NFIB: variants seen among roughly 807,000 people sequenced by gnomAD.
NFIB encodes nuclear factor 1 B-type.
In NFIB, 11 loss-of-function variants were observed where a neutral mutation model predicts 61.5. That is an observed-to-expected ratio of 0.18 (90% CI 0.11 to 0.30). The LOEUF (loss-of-function observed/expected upper bound fraction) is 0.30. Ranked by LOEUF, NFIB falls within the 10% of genes least tolerant of loss-of-function variation. The pLI, the probability that NFIB is intolerant of heterozygous loss-of-function variation, is 1.00. For synonymous variants in NFIB, 260 were observed against 216.5 expected (o/e 1.20, Z -1.76); for missense variants, 471 against 608.9 (o/e 0.77, Z 2.38).
At chr9:14,406,712 G>A in the NFIB span, among the ~76,000 whole-genome samples, 1 of 152,170 alleles carries the variant, frequency 6.6e-6, no homozygotes, top group Non-Finnish European at 1.5e-5. Flanking sequence ...GACGGAGGCT[G>A]CTTCCAGTCT....
At chr9:14,234,394 G>A (rs1471229530) in intron 2 of NFIB, among the ~76,000 whole-genome samples, 1 of 151,014 alleles carries the variant, frequency 6.6e-6, no homozygotes, top group Non-Finnish European at 1.5e-5. Context: ...TTTCTTAATG[G>A]AGTCTTGCTC....
intron 1 of NFIB, among the ~76,000 whole-genome samples, chr9:14,383,415 A>C (rs2061510907): frequency 1.3e-5 from 2 of 152,200 alleles, no homozygotes; most frequent in South Asian, 4.1e-4. Flanking sequence ...AATAATTCAA[A>C]TAGGGCTGTT....
chr9:14,362,104 T>C (rs1260522892), intron 1 of NFIB: 1 of 152,228 alleles, frequency 6.6e-6, no homozygotes, highest in Non-Finnish European at 1.5e-5. Context: ...TATAGAAATT[T>C]AGGTGAATGG....
chr9:14,382,648 G>C (rs1185502509), intron 1 of NFIB, among the ~76,000 whole-genome samples: 1 of 152,066 alleles, frequency 6.6e-6, no homozygotes. Flanking sequence ...GAGGGTAGCA[G>C]GTTACGTGTG....
the NFIB span, among the ~76,000 whole-genome samples, chr9:14,465,109 A>C: frequency 6.6e-6 from 1 of 152,220 alleles, no homozygotes; most frequent in Non-Finnish European, 1.5e-5. Context: ...CAAAGGCTTC[A>C]CTGTAGAGAC....
upstream of NFIB, among the ~76,000 whole-genome samples, chr9:14,402,263 G>T (rs1430048728): frequency 1.3e-5 from 2 of 152,160 alleles, no homozygotes; most frequent in African/African-American, 2.4e-5. Context: ...GGAGGCAGAG[G>T]CAAACTAGTG....
At chr9:14,107,772 T>C (rs887390404) in intron 10 of NFIB, among the ~76,000 whole-genome samples, 1 of 152,160 alleles carries the variant, frequency 6.6e-6, no homozygotes, top group African/African-American at 2.4e-5. Flanking sequence ...AGTTCAAGAA[T>C]ATTTAATGCT....
At chr9:14,189,169 G>A (rs768986201) in intron 2 of NFIB, among the ~76,000 whole-genome samples, 2 of 152,144 alleles carry the variant, frequency 1.3e-5, no homozygotes, top group Non-Finnish European at 2.9e-5. Context: ...ACACTCCTGT[G>A]TACACATGGC....
At chr9:14,354,283 ACCACCAC>A (rs1387922235) in intron 1 of NFIB, among the ~76,000 whole-genome samples, 1 of 152,110 alleles carries the variant, frequency 6.6e-6, no homozygotes, top group Non-Finnish European at 1.5e-5. Flanking sequence ...AACCTCCCTC[ACCACCAC>A]CTTTTGTGGA....
At chr9:14,279,806 G>A (rs2058249961) in intron 2 of NFIB, among the ~76,000 whole-genome samples, 1 of 152,132 alleles carries the variant, frequency 6.6e-6, no homozygotes, top group South Asian at 2.1e-4. Flanking sequence ...GCTCCCAAAT[G>A]TAAACAATGG....
intron 2 of NFIB, among the ~76,000 whole-genome samples, chr9:14,282,238 C>T (rs990221491): frequency 2.0e-5 from 3 of 152,144 alleles, no homozygotes; most frequent in African/African-American, 7.2e-5. Flanking sequence ...TTATTTGCTA[C>T]AGACAGAAAT....
chr9:14,116,486 G>C, intron 8 of NFIB, 140 bp from the exon 9 acceptor site: 1 of 793,640 alleles, frequency 1.3e-6, no homozygotes, highest in East Asian at 3.3e-5. Flanking sequence ...AGTCGGAGTC[G>C]GAGAGGCCAG....
the NFIB span, among the ~76,000 whole-genome samples, chr9:14,458,464 G>T: frequency 2.0e-5 from 3 of 152,164 alleles, no homozygotes. Context: ...CACAAGACAG[G>T]GATGCCCTCT....
chr9:14,403,408 A>G (rs1413574983), upstream of NFIB, among the ~76,000 whole-genome samples: 1 of 152,008 alleles, frequency 6.6e-6, no homozygotes, highest in Non-Finnish European at 1.5e-5. Context: ...CTTTCCCAGA[A>G]ATTTCCCTTT....
At chr9:14,383,798 G>A (rs1004130984) in intron 1 of NFIB, among the ~76,000 whole-genome samples, 1 of 152,138 alleles carries the variant, frequency 6.6e-6, no homozygotes, top group South Asian at 2.1e-4. Flanking sequence ...AAACTATATC[G>A]CCATATCTAA....
chr9:14,510,831 T>C, the NFIB span, among the ~76,000 whole-genome samples: 1 of 152,214 alleles, frequency 6.6e-6, no homozygotes, highest in Non-Finnish European at 1.5e-5. Flanking sequence ...TGTTTTTTTA[T>C]GTTCTTAGTG....
intron 2 of NFIB, among the ~76,000 whole-genome samples, chr9:14,263,690 A>G (rs1228302792): frequency 6.6e-6 from 1 of 152,214 alleles, no homozygotes; most frequent in Non-Finnish European, 1.5e-5. Flanking sequence ...TGCATCTGTG[A>G]CGAAGAACAG....
At chr9:14,423,242 T>C in the NFIB span, among the ~76,000 whole-genome samples, 1 of 152,186 alleles carries the variant, frequency 6.6e-6, no homozygotes, top group African/African-American at 2.4e-5. Flanking sequence ...TTCTTAAGGA[T>C]GGTTTATTGC....
At chr9:14,488,332 C>T in the NFIB span, among the ~76,000 whole-genome samples, 1 of 149,492 alleles carries the variant, frequency 6.7e-6, no homozygotes, top group Non-Finnish European at 1.5e-5. Context: ...CACCGCACTT[C>T]AATCTGGACA....
Sources: allele counts gnomAD v4.1 joint callset (sites outside exome capture counted in the v4.1 genomes callset), GRCh38; gene constraint gnomAD v4.1.1; transcripts MANE v1.5; gene names NCBI Gene and HGNC (gene_info 2026-07-23, HGNC 2026-07-21).